Variants in FNDC3B observed in about 807,000 individuals in gnomAD.
FNDC3B encodes fibronectin type III domain containing 3B, also known as fibronectin type III domain-containing protein 3B.
A neutral mutation model predicts 151.5 loss-of-function variants in FNDC3B; 12 were observed. That is an observed-to-expected ratio of 0.08 (90% confidence interval 0.05 to 0.13). The LOEUF (loss-of-function observed/expected upper bound fraction) is 0.13. FNDC3B is among the 10% of genes least tolerant of loss of function. FNDC3B has a pLI of 1.00. For missense variants in FNDC3B, 1,214 were observed against 1,505.3 expected, an observed-to-expected ratio of 0.81 and a Z score of 3.20; for synonymous variants, 528 against 549.0, an observed-to-expected ratio of 0.96 and a Z score of 0.54.
chr3:172,335,298 T>C, intron 15 of FNDC3B: 1 of 412,046 alleles, frequency 2.4e-6, no homozygotes, highest in Non-Finnish European at 4.3e-6. Context: ...GACAATTAAA[T>C]TTTAGTGGAA....
chr3:172,053,646 C>A (rs1716776822), intron 1 of FNDC3B, among the ~76,000 whole-genome samples: 1 of 152,052 alleles, frequency 6.6e-6, no homozygotes, highest in East Asian at 1.9e-4. Context: ...GTGGCGGGCA[C>A]CTGTAATCCC....
intron 3 of FNDC3B, among the ~76,000 whole-genome samples, chr3:172,219,601 C>A (rs1726167291): frequency 6.6e-6 from 1 of 152,226 alleles, no homozygotes; most frequent in African/African-American, 2.4e-5. Context: ...TGAGCGGATG[C>A]TCCTCAGTCC....
chr3:172,322,314 G>T, intron 11 of FNDC3B, among the ~76,000 whole-genome samples: 1 of 152,214 alleles, frequency 6.6e-6, no homozygotes, highest in East Asian at 1.9e-4. Context: ...CACACAGCGT[G>T]GCAGCTTCAG....
At chr3:172,148,072 T>C (rs1280413669) in intron 3 of FNDC3B, among the ~76,000 whole-genome samples, 1 of 152,134 alleles carries the variant, frequency 6.6e-6, no homozygotes, top group African/African-American at 2.4e-5. Flanking sequence ...TCAGTTTCCA[T>C]CTCCTAATTC....
chr3:172,294,496 A>C (rs1434373990), intron 7 of FNDC3B, among the ~76,000 whole-genome samples: 11 of 152,184 alleles, frequency 7.2e-5, no homozygotes, highest in Admixed American at 7.2e-4. Flanking sequence ...GAGAACTCAC[A>C]TCAGGAGAAC....
rs548494506 is a variant in FNDC3B, at chr3:172,350,881, T to G, written c.2515-1922T>G. 3.3e-5 allele frequency among the ~76,000 whole-genome samples: 5 copies of G among 152,348 alleles called. No individual in the cohort carries two copies. The South Asian group carries it at 1.0e-3, about 32-fold the overall frequency. ...AAAACAAAACAAAACTCAAACTCCT[T>G]TAGTTTTGTAATTCAACCTCATAAG... On this transcript the variant is annotated intron_variant, in intron 21 of 25. Transcript: ENST00000415807.
chr3:172,177,751 T>C (rs938930161), intron 3 of FNDC3B, among the ~76,000 whole-genome samples: 2 of 151,272 alleles, frequency 1.3e-5, no homozygotes, highest in Admixed American at 1.3e-4. Context: ...GTTTATTACA[T>C]AGGTAAATGT....
chr3:172,195,105 T>C (rs1279081539), intron 3 of FNDC3B, among the ~76,000 whole-genome samples: 3 of 152,214 alleles, frequency 2.0e-5, no homozygotes, highest in African/African-American at 7.2e-5. Flanking sequence ...TTAGTTATTT[T>C]AAAAAAAGTT....
chr3:172,279,368 A>G (rs997743017), intron 6 of FNDC3B, among the ~76,000 whole-genome samples: 2 of 152,066 alleles, frequency 1.3e-5, no homozygotes, highest in African/African-American at 4.8e-5. Context: ...AAAGAAATTC[A>G]TTTGTGTTTC....
In FNDC3B at chr3:172,251,320, C is replaced by G; in HGVS notation, c.569C>G (p.Pro190Arg). Reference protein sequence around the residue: ...YITREDQYSKPPHKKLKDRQI... With the variant: ...YITREDQYSKRPHKKLKDRQI... ...ACCCGAGAAGACCAGTACAGCAAGCCTCCGCACAAAAAACTGAAAGACCGC... is the reference window on the plus strand; with the variant it reads ...ACCCGAGAAGACCAGTACAGCAAGCGTCCGCACAAAAAACTGAAAGACCGC... The change falls in exon 6 of 26, where the codon CCT becomes CGT. Residue 190 changes from proline to arginine, a missense_variant. Pro to Arg is a moderately radical substitution (Grantham distance 103). This residue lies in a region of FNDC3B where 166 missense variants were observed against 173.2 expected (regional missense o/e 0.96). Transcript: ENST00000415807. 1.2e-6 allele frequency: 2 copies of G among 1,613,778 alleles called. No homozygotes were observed. The highest frequency in any genetic ancestry group is 1.7e-6 in the Non-Finnish European group (2 of 1,179,784).
chr3:172,250,513 A>T, intron 5 of FNDC3B, among the ~76,000 whole-genome samples: 1 of 152,354 alleles, frequency 6.6e-6, no homozygotes, highest in South Asian at 2.1e-4. Flanking sequence ...TATTCTGTCT[A>T]CAGGGATGAG....
At chr3:172,309,154 G>C (rs2108248189) in intron 10 of FNDC3B, among the ~76,000 whole-genome samples, 1 of 152,278 alleles carries the variant, frequency 6.6e-6, no homozygotes, top group Middle Eastern at 3.4e-3. Context: ...GAAAGTTCTG[G>C]ATTTAGTTCA....
At position 172,310,834 on chromosome 3, in the gene FNDC3B, A is replaced by C; in HGVS notation, c.1207A>C (p.Ile403Leu). ...SSLTLQWKAP[I>L]DNGSKITNYL... ...ATGTTACTATTTTTTTTAGGCACCA[A>C]TTGACAACGGTTCAAAAATCACCAA... Residue 403 changes from isoleucine (I) to leucine (L), a missense_variant, in exon 11 of 26, where the codon ATT (isoleucine) becomes CTT (leucine). Ile to Leu is a conservative substitution (Grantham distance 5). Coordinates refer to ENST00000415807, the MANE Select transcript of FNDC3B (RefSeq NM_022763.4). The C allele has an allele frequency of 6.2e-7, 1 of 1,611,492 alleles. No homozygotes were observed. Among genetic ancestry groups the C allele is most frequent in the South Asian group, 1.1e-5 (1 of 91,020 alleles).
intron 3 of FNDC3B, among the ~76,000 whole-genome samples, chr3:172,181,899 C>A (rs138598870): frequency 3.6e-4 from 53 of 147,818 alleles, no homozygotes; most frequent in South Asian, 6.5e-4. Flanking sequence ...GAGTGGATTT[C>A]ATTATGTAGT....
intron 1 of FNDC3B, among the ~76,000 whole-genome samples, chr3:172,081,035 CA>C (rs1416975558): frequency 6.6e-6 from 1 of 152,180 alleles, no homozygotes; most frequent in Non-Finnish European, 1.5e-5. Flanking sequence ...TTTACTTTAA[CA>C]ATTGATATAT....
intron 3 of FNDC3B, among the ~76,000 whole-genome samples, chr3:172,177,282 T>A (rs1723644277): frequency 6.6e-6 from 1 of 152,222 alleles, no homozygotes; most frequent in Middle Eastern, 3.2e-3. Flanking sequence ...GTCTACTGAA[T>A]CAAGATCTCT....
At chr3:172,271,628 T>C (rs1430040416) in intron 6 of FNDC3B, among the ~76,000 whole-genome samples, 1 of 152,234 alleles carries the variant, frequency 6.6e-6, no homozygotes, top group Non-Finnish European at 1.5e-5. Flanking sequence ...GTTGACCTAC[T>C]CATTCCCACT....
chr3:172,172,340 C>A (rs1723324648), intron 3 of FNDC3B, among the ~76,000 whole-genome samples: 1 of 152,082 alleles, frequency 6.6e-6, no homozygotes, highest in Admixed American at 6.6e-5. Flanking sequence ...AAAAAGGGAT[C>A]AAGTAAGGAA....
chr3:172,232,782 C>A (rs555023100), intron 4 of FNDC3B, among the ~76,000 whole-genome samples: 1 of 152,268 alleles, frequency 6.6e-6, no homozygotes, highest in South Asian at 2.1e-4. Flanking sequence ...CCTGGAGAGG[C>A]CTTTCTTCAG....
Sources: allele counts gnomAD v4.1 joint callset (sites outside exome capture counted in the v4.1 genomes callset), GRCh38; gene constraint gnomAD v4.1.1; regional missense constraint gnomAD v4.1.1; transcripts MANE v1.5; gene names NCBI Gene and HGNC (gene_info 2026-07-23, HGNC 2026-07-21).